MALRD1: variants seen among roughly 807,000 people sequenced by gnomAD.
MALRD1 encodes MAM and LDL-receptor class A domain-containing protein 1.
Under a neutral mutation model 242.1 loss-of-function variants are expected in MALRD1, and 247 were observed. The observed-to-expected ratio is 1.02, with a 90% CI of 0.92 to 1.13. The LOEUF is 1.13. Among genes scored for constraint, MALRD1 ranks in the 50% most tolerant of loss-of-function variants. The pLI, the probability that MALRD1 is intolerant of heterozygous loss-of-function variation, is 0.00. For missense variants in MALRD1, 2,989 were observed against 2,533.1 expected, an observed-to-expected ratio of 1.18 and a Z score of -3.86; for synonymous variants, 995 against 866.6, an observed-to-expected ratio of 1.15 and a Z score of -2.60.
chr10:19,310,306 ATCT>A (rs1385280935), intron 21 of MALRD1, among the ~76,000 whole-genome samples: 1 of 151,550 alleles, frequency 6.6e-6, no homozygotes, highest in Non-Finnish European at 1.5e-5. Context: ...CATTGTTGAA[ATCT>A]TCTGAGTAAG....
Position 19,128,219 on chromosome 10 carries a change from A to G in MALRD1, c.944-2A>G, listed in dbSNP as rs545442272. On this transcript the variant is annotated splice_acceptor_variant, in intron 7 of 39. Coordinates refer to ENST00000454679, the MANE Select transcript of MALRD1 (RefSeq NM_001142308.3). LOFTEE classifies it high-confidence loss of function. ...TTGCTTCTTTTTTCTTTTATCTTTC[A>G]GGTTATTATGTATGGGTAGGCGCTA... 24 of 1,233,172 alleles carry G rather than the reference A, an allele frequency of 1.9e-5. No individual in the cohort carries two copies. The African/African-American group carries it at 2.8e-4, about 14-fold the overall frequency. The allele number at this position is 1,233,172 out of a possible 1,614,324, so 76.4% of individuals were successfully genotyped here. A position where few individuals can be genotyped will look rare whatever the true frequency, so the allele number is the denominator to read the frequency against.
intron 33 of MALRD1, among the ~76,000 whole-genome samples, chr10:19,594,528 C>G (rs113055996): frequency 2.6e-5 from 4 of 152,242 alleles, no homozygotes; most frequent in Admixed American, 6.5e-5. Context: ...AAAGACACAT[C>G]CTTATGCATG....
intron 32 of MALRD1, among the ~76,000 whole-genome samples, chr10:19,541,316 T>C (rs533770368): frequency 3.3e-5 from 5 of 152,284 alleles, no homozygotes; most frequent in African/African-American, 1.2e-4. Context: ...ATTATCCCCA[T>C]GCATAAAACG....
At chr10:19,457,125 A>T (rs1752060784) in intron 29 of MALRD1, among the ~76,000 whole-genome samples, 1 of 152,210 alleles carries the variant, frequency 6.6e-6, no homozygotes, top group Admixed American at 6.5e-5. Context: ...ACTCTGAAAA[A>T]TTGAAATAGC....
At chr10:19,335,905 T>C (rs10458689) in intron 24 of MALRD1, among the ~76,000 whole-genome samples, 20,948 of 152,000 alleles carry the variant, frequency 0.14, 1,468 homozygotes, top group South Asian at 0.15. Context: ...GCTGCACCCA[T>C]CAACCCGTCA....
chr10:19,115,773 G>A (rs540944137), intron 5 of MALRD1, among the ~76,000 whole-genome samples: 98 of 152,266 alleles, frequency 6.4e-4, no homozygotes, highest in Middle Eastern at 6.8e-3. Flanking sequence ...CTACTGGGGA[G>A]GCTGAGACGG....
In MALRD1 at chr10:19,148,788, A is replaced by AAAAAAT. The variant is rs1206724666; in HGVS notation, c.1558+2445_1558+2446insAAAATA. On this transcript the variant is annotated intron_variant, in intron 11 of 39. Coordinates refer to ENST00000454679, the MANE Select transcript of MALRD1 (RefSeq NM_001142308.3). ...AAGGGCCAATTAAAAAAAAAAAAAA[A>AAAAAAT]ATATATATATATATATATATATCTG... Among the ~76,000 whole-genome samples, 233 of 88,022 alleles carry AAAAAAT rather than the reference A, an allele frequency of 2.6e-3. 2 individuals carry two copies. Among genetic ancestry groups the AAAAAAT allele is most frequent in the East Asian group, 9.3e-3 (34 of 3,638 alleles). The allele number at this position is 88,022 out of a possible 152,430, so 57.7% of individuals were successfully genotyped here.
rs887623328 is a variant in MALRD1 at position 19,389,683 on chromosome 10, A to C, written c.4845+74A>C. On this transcript the variant is annotated intron_variant, in intron 28 of 39. Coordinates refer to ENST00000454679, the MANE Select transcript of MALRD1 (RefSeq NM_001142308.3). ...GAGACAGGGTCTTGCTCTGTCACTCAGGCTGCAGTGCAGTGGTGCAGTCAT... is the reference window on the plus strand; with the variant it reads ...GAGACAGGGTCTTGCTCTGTCACTCCGGCTGCAGTGCAGTGGTGCAGTCAT... 4 of 1,437,948 alleles carry C rather than the reference A, an allele frequency of 2.8e-6. No homozygotes were observed. The Admixed American group carries it at 9.1e-5, about 33-fold the overall frequency. The allele number at this position is 1,437,948 out of a possible 1,614,324, so 89.1% of individuals were successfully genotyped here.
rs530781657 is a variant in MALRD1, at chr10:19,140,796, G to A, written c.1411+4015G>A. On this transcript the variant is annotated intron_variant, in intron 10 of 39. Coordinates refer to ENST00000454679, the MANE Select transcript of MALRD1 (RefSeq NM_001142308.3). The stretch of plus-strand genomic sequence containing the variant: ...AGTTGTCCAGGGCTGAGGCCTGGCC[G>A]AAATGGGGAGGTATTGGTCAAAAGA... Among the ~76,000 whole-genome samples, 92 of 152,208 alleles carry A rather than the reference G, an allele frequency of 6.0e-4. 1 individual carries two copies. The highest frequency in any genetic ancestry group is 1.7e-3 in the African/African-American group (69 of 41,538).
chr10:19,492,354 C>T (rs76311122), intron 30 of MALRD1, among the ~76,000 whole-genome samples: 5,185 of 152,170 alleles, frequency 0.034, 165 homozygotes, highest in African/African-American at 0.085. Flanking sequence ...AACAAGCTAC[C>T]CCAGAAGTTA....
At chr10:19,232,194 T>A (rs1368871845) in intron 18 of MALRD1, among the ~76,000 whole-genome samples, 1 of 152,040 alleles carries the variant, frequency 6.6e-6, no homozygotes, top group Non-Finnish European at 1.5e-5. Flanking sequence ...CTCTAGAATT[T>A]TTTTGTTTGT....
intron 18 of MALRD1, among the ~76,000 whole-genome samples, chr10:19,236,826 A>G (rs1838341479): frequency 1.3e-5 from 2 of 152,114 alleles, no homozygotes; most frequent in South Asian, 2.1e-4. Flanking sequence ...TACATAAAAT[A>G]TATTTTATAT....
At chr10:19,621,227 G>C (rs1162777463) in intron 36 of MALRD1, among the ~76,000 whole-genome samples, 2 of 150,552 alleles carry the variant, frequency 1.3e-5, no homozygotes, top group African/African-American at 4.9e-5. Flanking sequence ...AATACATCAA[G>C]ACCTTGAACT....
At position 19,687,069 on chromosome 10, in the gene MALRD1, A is replaced by G. The variant is rs1481279225; in HGVS notation, c.6138-5213A>G. On this transcript the variant is annotated intron_variant, in intron 36 of 39. Transcript: ENST00000454679. ...GCTTAATTGTTAATTTTATGAGTAA[A>G]ACTGATTCTAATAATTTCCTATAAT... is the stretch of plus-strand genomic sequence containing the variant. Among the ~76,000 whole-genome samples the G allele has an allele frequency of 2.0e-5, 3 of 151,934 alleles. No homozygotes were observed. The East Asian group carries it at 5.8e-4, about 29-fold the overall frequency.
intron 36 of MALRD1, among the ~76,000 whole-genome samples, chr10:19,645,785 G>T (rs910419470): frequency 3.3e-5 from 5 of 152,074 alleles, no homozygotes; most frequent in Admixed American, 6.5e-5. Context: ...GCTAAATGAC[G>T]AGTTAATGGG....
chr10:19,509,250 A>G (rs926415736), intron 31 of MALRD1, among the ~76,000 whole-genome samples: 3 of 152,198 alleles, frequency 2.0e-5, no homozygotes, highest in African/African-American at 7.2e-5. Flanking sequence ...TCCACCCTTC[A>G]GTGTGAGCAA....
intron 27 of MALRD1, 32 bp from the exon 28 acceptor site, chr10:19,389,420 C>A: frequency 6.5e-7 from 1 of 1,543,494 alleles, no homozygotes; most frequent in Non-Finnish European, 8.8e-7. Context: ...ATTGTTATTT[C>A]GTTCTTCTCT....
rs560996683 is a variant in MALRD1 at position 19,683,940 on chromosome 10, C to A, written c.6138-8342C>A. Among the ~76,000 whole-genome samples the A allele has an allele frequency of 3.4e-4, 52 of 152,146 alleles. 1 individual carries two copies. The highest frequency in any genetic ancestry group is 2.3e-3 in the Admixed American group (35 of 15,280). On this transcript the variant is annotated intron_variant, in intron 36 of 39. Coordinates refer to ENST00000454679, the MANE Select transcript of MALRD1 (RefSeq NM_001142308.3). ...CTCTCCCTCCCCTTGTCCCTCACCCCCCAGCAGGCCCCGGTGTGTGATGTT... is the reference window on the plus strand; with the variant it reads ...CTCTCCCTCCCCTTGTCCCTCACCCACCAGCAGGCCCCGGTGTGTGATGTT...
Position 19,723,585 on chromosome 10 carries a change from TAAA to T in MALRD1, c.6315-7116_6315-7114del, listed in dbSNP as rs201827427. On this transcript the variant is annotated intron_variant, in intron 38 of 39. Coordinates refer to ENST00000454679, the MANE Select transcript of MALRD1 (RefSeq NM_001142308.3). The stretch of plus-strand genomic sequence containing the variant: ...GCAAGACCCCATCTCTACAAAAAAT[TAAA>T]AAAATTAGCCGGGTGTGTTGGCATG... 1.4e-3 allele frequency among the ~76,000 whole-genome samples: 205 copies of T among 151,774 alleles called. 3 individuals carry two copies. In the East Asian group the frequency reaches 0.03, roughly 22 times the overall value.
Sources: allele counts gnomAD v4.1 joint callset (sites outside exome capture counted in the v4.1 genomes callset), GRCh38; gene constraint gnomAD v4.1.1; transcripts MANE v1.5; gene names NCBI Gene and HGNC (gene_info 2026-07-23, HGNC 2026-07-21).